The following CYP2B6 variants were observed in gnomAD, a reference collection of about 807,000 sequenced individuals.
CYP2B6 encodes cytochrome P450 family 2 subfamily B member 6, also known as cytochrome P450 2B6.
A neutral mutation model predicts 43.4 loss-of-function variants in CYP2B6; 35 were observed. The observed-to-expected ratio is 0.81, with a 90% CI of 0.62 to 1.07. The LOEUF (loss-of-function observed/expected upper bound fraction) is 1.07, where lower values mean the gene tolerates loss of function less well. Ranked by LOEUF, CYP2B6 falls within the 50% of genes least tolerant of loss-of-function variation. The pLI is 0.00. For synonymous variants in CYP2B6, 239 were observed against 239.2 expected, an observed-to-expected ratio of 1.00 and a Z score of 0.01; for missense variants, 624 against 632.8, an observed-to-expected ratio of 0.99 and a Z score of 0.15.
intron 1 of CYP2B6, among the ~76,000 whole-genome samples, chr19:41,001,753 G>A (rs1969092410): frequency 1.3e-5 from 2 of 152,076 alleles, no homozygotes; most frequent in South Asian, 4.1e-4. Context: ...TTGATGATGT[G>A]GCATCTTGGA....
At chr19:41,011,487 CATTT>C (rs1449692407) in intron 6 of CYP2B6, among the ~76,000 whole-genome samples, 1 of 152,108 alleles carries the variant, frequency 6.6e-6, no homozygotes, top group East Asian at 1.9e-4. Context: ...TTGGTTTGTT[CATTT>C]ATTCATCAAT....
At chr19:40,995,923 G>A (rs1968993623) in intron 1 of CYP2B6, among the ~76,000 whole-genome samples, 1 of 152,122 alleles carries the variant, frequency 6.6e-6, no homozygotes, top group African/African-American at 2.4e-5. Context: ...TCTGAGCCCC[G>A]AACAAAGGCT....
intron 1 of CYP2B6, among the ~76,000 whole-genome samples, chr19:41,000,933 G>A (rs942957168): frequency 1.3e-5 from 2 of 152,064 alleles, no homozygotes; most frequent in Admixed American, 6.5e-5. Context: ...CAGCTACTCG[G>A]GAGGCTGAGG....
At chr19:41,002,807 A>G (rs1568559438) in intron 1 of CYP2B6, among the ~76,000 whole-genome samples, 1 of 152,064 alleles carries the variant, frequency 6.6e-6, no homozygotes, top group Non-Finnish European at 1.5e-5. Context: ...TCAGCCTCCC[A>G]AATTGCTGGG....
chr19:41,017,744 A>C lies in CYP2B6; in HGVS notation c.*917A>C, dbSNP rs1357963855. On this transcript the variant is annotated 3_prime_UTR_variant, in exon 9 of 9. Coordinates refer to ENST00000324071, the MANE Select transcript of CYP2B6 (RefSeq NM_000767.5). ...CAAAACCCATACCTATCAAGCTGTCACTCCCCATACCCCATTCTCTTTTTC... is the reference window on the plus strand; with the variant it reads ...CAAAACCCATACCTATCAAGCTGTCCCTCCCCATACCCCATTCTCTTTTTC... 1 of 151,416 alleles carries C rather than the reference A, an allele frequency of 6.6e-6. No individual in the cohort carries two copies. The highest frequency in any genetic ancestry group is 1.5e-5 in the Non-Finnish European group (1 of 67,916). 9.4% of individuals were successfully genotyped at this position (151,416 alleles called of 1,614,324 possible).
intron 1 of CYP2B6, among the ~76,000 whole-genome samples, chr19:41,001,223 C>T (rs1969080800): frequency 6.6e-6 from 1 of 152,094 alleles, no homozygotes; most frequent in Non-Finnish European, 1.5e-5. Context: ...ATGAAATTCT[C>T]ATAGAGTTTG....
At chr19:41,011,889 C>CTA in intron 6 of CYP2B6, among the ~76,000 whole-genome samples, 1 of 152,226 alleles carries the variant, frequency 6.6e-6, no homozygotes, top group East Asian at 1.9e-4. Context: ...TAACCCTTTA[C>CTA]TATAGGTTTT....
At chr19:41,004,759 C>CA (rs896803297) in intron 3 of CYP2B6, among the ~76,000 whole-genome samples, 12 of 152,156 alleles carry the variant, frequency 7.9e-5, no homozygotes, top group African/African-American at 2.9e-4. Context: ...GAAGCTCAGG[C>CA]AGGAGGATTG....
chr19:41,003,544 C>G (rs141257880), intron 1 of CYP2B6, among the ~76,000 whole-genome samples: 201 of 152,244 alleles, frequency 1.3e-3, no homozygotes, highest in African/African-American at 4.7e-3. Context: ...AAGAAGTATG[C>G]GGTGGGGGTG....
chr19:41,005,799 T>C (rs1238046666), intron 3 of CYP2B6, among the ~76,000 whole-genome samples: 1 of 150,036 alleles, frequency 6.7e-6, no homozygotes, highest in East Asian at 2.0e-4. Flanking sequence ...ATAATAATAA[T>C]AATAAAATAA....
chr19:41,002,931 G>C (rs908002819), intron 1 of CYP2B6, among the ~76,000 whole-genome samples: 1 of 152,082 alleles, frequency 6.6e-6, no homozygotes, highest in Non-Finnish European at 1.5e-5. Context: ...ATGCCTGTGA[G>C]TTTCAGCCAC....
intron 8 of CYP2B6, among the ~76,000 whole-genome samples, chr19:41,014,520 T>C (rs549121384): frequency 1.3e-5 from 2 of 152,254 alleles, no homozygotes; most frequent in Admixed American, 6.5e-5. Flanking sequence ...TTAGCCAGGA[T>C]GGTGCTGATC....
intron 1 of CYP2B6, among the ~76,000 whole-genome samples, chr19:40,992,522 A>G (rs1281828569): frequency 6.6e-6 from 1 of 150,720 alleles, no homozygotes; most frequent in African/African-American, 2.4e-5. Flanking sequence ...AGCATTTAAG[A>G]CTCTTTTTTT....
chr19:41,015,446 G>A (rs890844196), intron 8 of CYP2B6, among the ~76,000 whole-genome samples: 9 of 152,158 alleles, frequency 5.9e-5, no homozygotes, highest in Non-Finnish European at 8.8e-5. Context: ...GACAGGCATA[G>A]GGAATGCCTG....
chr19:41,001,423 G>A (rs1000869816), intron 1 of CYP2B6, among the ~76,000 whole-genome samples: 2 of 152,072 alleles, frequency 1.3e-5, no homozygotes, highest in African/African-American at 4.8e-5. Context: ...TGTGCATCAG[G>A]GCTGAGGAAG....
intron 1 of CYP2B6, among the ~76,000 whole-genome samples, chr19:41,002,307 A>G (rs369868881): frequency 6.6e-6 from 1 of 152,152 alleles, no homozygotes; most frequent in African/African-American, 2.4e-5. Context: ...AATGCAGGGC[A>G]TTTGTAAGTA....
intron 1 of CYP2B6, among the ~76,000 whole-genome samples, chr19:40,994,152 G>A (rs8192711): frequency 0.049 from 7,425 of 152,094 alleles, 221 homozygotes; most frequent in Middle Eastern, 0.11. Flanking sequence ...CGATTTTGAG[G>A]TTGATAGTAA....
intron 1 of CYP2B6, among the ~76,000 whole-genome samples, chr19:40,999,561 C>T (rs193207694): frequency 1.3e-4 from 20 of 152,176 alleles, no homozygotes; most frequent in Non-Finnish European, 1.5e-5. Flanking sequence ...TTAGGTCTAA[C>T]GTTTAAGTCT....
rs1248477767 is a variant in CYP2B6, at chr19:41,016,654, A to G, written c.1303A>G (p.Ile435Val). ...AFIPFSLGKR[I>V]CLGEGIARAE... ...ACCTTCTGTGTCCACAGGGAAGCGG[A>G]TTTGTCTTGGTGAAGGCATCGCCCG... The change falls in exon 9 of 9, where the codon ATT becomes GTT. Residue 435 changes from isoleucine (I) to valine (V), a missense_variant. Coordinates refer to ENST00000324071, the MANE Select transcript of CYP2B6 (RefSeq NM_000767.5). The G allele has an allele frequency of 8.1e-6, 13 of 1,614,070 alleles. No homozygotes were observed. The highest frequency in any genetic ancestry group is 2.2e-5 in the East Asian group (1 of 44,872).
Sources: gnomAD v4.1 joint callset for allele counts (sites outside exome capture counted in the v4.1 genomes callset) on GRCh38, gnomAD v4.1.1 for gene constraint, MANE v1.5 for transcripts, NCBI Gene and HGNC (gene_info 2026-07-23, HGNC 2026-07-21) for gene names.